The following GLRA2 variants were observed in gnomAD, a reference collection of about 807,000 sequenced individuals.
GLRA2 encodes the protein glycine receptor subunit alpha-2.
GLRA2 carries 11 observed loss-of-function variants against 31.6 expected under a neutral mutation model. That is an observed-to-expected ratio of 0.35 (90% CI 0.22 to 0.58). GLRA2 has a LOEUF of 0.58. Among genes scored for constraint, GLRA2 ranks in the 20% least tolerant of loss-of-function variants. The pLI is 0.84. For missense variants in GLRA2, 212 were observed against 351.8 expected, an observed-to-expected ratio of 0.60 and a Z score of 3.18; for synonymous variants, 132 against 134.0, an observed-to-expected ratio of 0.99 and a Z score of 0.10.
chrX:14,662,336 A>G (rs889358636), intron 7 of GLRA2, among the ~76,000 whole-genome samples: 1 of 112,199 alleles, frequency 8.9e-6, no homozygotes, highest in African/African-American at 3.2e-5. Context: ...TTAAAGGAGC[A>G]GATATAACTT....
At chrX:14,726,926 T>G (rs2091936040) in intron 8 of GLRA2, among the ~76,000 whole-genome samples, 1 of 112,220 alleles carries the variant, frequency 8.9e-6, no homozygotes, top group Non-Finnish European at 1.9e-5. Flanking sequence ...ATCATGAGTT[T>G]CTAAAGGTTT....
intron 7 of GLRA2, among the ~76,000 whole-genome samples, chrX:14,665,557 A>T (rs1255707330): frequency 8.9e-6 from 1 of 111,907 alleles, no homozygotes; most frequent in Non-Finnish European, 1.9e-5. Context: ...CTCAAACGGC[A>T]GATGGCATGG....
In GLRA2 at chrX:14,728,960, C is replaced by A. The variant is rs183071668; in HGVS notation, c.1081-1247C>A. Among the ~76,000 whole-genome samples, 41 of 112,329 alleles carry A rather than the reference C, an allele frequency of 3.6e-4. No homozygotes were observed. In the East Asian group the frequency reaches 0.011, roughly 30 times the overall value. ...TCAAGTGTAATTAACTGAAATAGTTCTTCTCACCTTCCTTACCTCTCCAGG... is the reference window on the plus strand; with the variant it reads ...TCAAGTGTAATTAACTGAAATAGTTATTCTCACCTTCCTTACCTCTCCAGG... On this transcript the variant is annotated intron_variant, in intron 8 of 8. Coordinates refer to ENST00000218075, the MANE Select transcript of GLRA2 (RefSeq NM_002063.4).
intron 2 of GLRA2, among the ~76,000 whole-genome samples, chrX:14,558,690 T>A: frequency 8.9e-6 from 1 of 112,256 alleles, no homozygotes; most frequent in East Asian, 2.8e-4. Context: ...GCCATGTGTT[T>A]ATTTGTCCAT....
intron 7 of GLRA2, among the ~76,000 whole-genome samples, chrX:14,680,782 G>T (rs73437259): frequency 0.029 from 3,226 of 111,838 alleles, 103 homozygotes; most frequent in African/African-American, 0.092. Flanking sequence ...AGACTGAAAG[G>T]ACTCATTTGT....
intron 3 of GLRA2, among the ~76,000 whole-genome samples, chrX:14,579,458 T>C (rs112093947): frequency 1.8e-5 from 2 of 110,715 alleles, no homozygotes; most frequent in African/African-American, 6.6e-5. Context: ...GCCTCCTGAG[T>C]AGCTGGGTCT....
At chrX:14,469,393 C>A in the GLRA2 span, among the ~76,000 whole-genome samples, 1 of 110,181 alleles carries the variant, frequency 9.1e-6, no homozygotes, top group African/African-American at 3.3e-5. Flanking sequence ...GACACATGCA[C>A]ACGTATGTTT....
chrX:14,720,489 T>C (rs1160558002), intron 8 of GLRA2, among the ~76,000 whole-genome samples: 1 of 111,230 alleles, frequency 9.0e-6, no homozygotes, highest in Non-Finnish European at 1.9e-5. Context: ...TATGGAGACA[T>C]ACAGAGGATA....
chrX:14,693,490 T>C (rs766042257), intron 8 of GLRA2, among the ~76,000 whole-genome samples: 1 of 111,552 alleles, frequency 9.0e-6, no homozygotes, highest in Non-Finnish European at 1.9e-5. Flanking sequence ...TTGACAGATA[T>C]AAAGAAGAAA....
At chrX:14,544,142 T>G (rs1569490295) in intron 2 of GLRA2, among the ~76,000 whole-genome samples, 2 of 112,038 alleles carry the variant, frequency 1.8e-5, no homozygotes, top group Admixed American at 9.5e-5. Context: ...CTCTACAAGT[T>G]AGAATATTAT....
intron 4 of GLRA2, among the ~76,000 whole-genome samples, chrX:14,586,427 C>A (rs1388394542): frequency 8.9e-6 from 1 of 112,097 alleles, no homozygotes; most frequent in Admixed American, 9.5e-5. Context: ...TGTTTGTTGA[C>A]CTGCCCCATT....
chrX:14,706,930 C>T (rs1423125389), intron 8 of GLRA2, among the ~76,000 whole-genome samples: 2 of 112,058 alleles, frequency 1.8e-5, no homozygotes, highest in Non-Finnish European at 3.8e-5. Flanking sequence ...TGTCGTACAG[C>T]CAATTCCTGA....
intron 7 of GLRA2, among the ~76,000 whole-genome samples, chrX:14,625,873 T>C: frequency 9.0e-6 from 1 of 111,644 alleles, no homozygotes; most frequent in Admixed American, 9.5e-5. Context: ...ACGAAGTAGG[T>C]ACTATTATTA....
chrX:14,674,122 A>C (rs2091120707), intron 7 of GLRA2, among the ~76,000 whole-genome samples: 1 of 112,108 alleles, frequency 8.9e-6, no homozygotes, highest in Non-Finnish European at 1.9e-5. Flanking sequence ...TTAATGAGTG[A>C]ACTCAGCTTC....
intron 8 of GLRA2, among the ~76,000 whole-genome samples, chrX:14,710,787 T>G (rs781159301): frequency 8.9e-6 from 1 of 111,798 alleles, no homozygotes; most frequent in Non-Finnish European, 1.9e-5. Context: ...GCACCTTCAA[T>G]GTGGTTTACC....
intron 7 of GLRA2, among the ~76,000 whole-genome samples, chrX:14,622,785 C>T (rs962663074): frequency 9.8e-5 from 11 of 111,702 alleles, no homozygotes; most frequent in East Asian, 5.6e-4. Flanking sequence ...AGTCAGGTAG[C>T]GTGATGCCTC....
rs1413458792 is a variant in GLRA2 at position 14,730,472 on chromosome X, T to A, written c.1346T>A (p.Val449Asp). 8.3e-7 allele frequency: 1 copy of A among 1,204,394 alleles called. No individual in the cohort carries two copies. The highest frequency in any genetic ancestry group is 1.1e-6 in the Non-Finnish European group (1 of 889,965). The part of the protein sequence containing the change: ...ITYKIIRHED[V>D]HKK Reference sequence around the variant, plus strand: ...TACAAGATCATTCGGCATGAAGATGTCCACAAGAAATAGATGTGCCCTACA... The same window carrying A: ...TACAAGATCATTCGGCATGAAGATGACCACAAGAAATAGATGTGCCCTACA... Residue 449 changes from valine (V) to aspartate (D), a missense_variant, in exon 9 of 9, where the codon GTC (valine) becomes GAC (aspartate). Val to Asp is a radical substitution (Grantham distance 152). Transcript: ENST00000218075.
At chrX:14,533,523 G>GGA (rs2089284578) in intron 2 of GLRA2, among the ~76,000 whole-genome samples, 1 of 95,374 alleles carries the variant, frequency 1.0e-5, no homozygotes, top group African/African-American at 3.8e-5. Context: ...AAATTTTTCT[G>GGA]AAAAAAAAAA....
At chrX:14,684,894 A>C (rs1475496321) in intron 7 of GLRA2, among the ~76,000 whole-genome samples, 244 of 111,016 alleles carry the variant, frequency 2.2e-3, no homozygotes, top group Middle Eastern at 4.7e-3. Context: ...GTCTTGTGCC[A>C]GTTTTCAAAG....
Sources: gnomAD v4.1 joint callset for allele counts (sites outside exome capture counted in the v4.1 genomes callset) on GRCh38, gnomAD v4.1.1 for gene constraint, MANE v1.5 for transcripts, NCBI Gene and HGNC (gene_info 2026-07-23, HGNC 2026-07-21) for gene names.